Variants in SLC9A9 observed in about 807,000 individuals in gnomAD.
The protein encoded by SLC9A9 is sodium/hydrogen exchanger 9.
Under a neutral mutation model 77.8 loss-of-function variants are expected in SLC9A9, and 62 were observed. The observed-to-expected ratio is 0.80, with a 90% confidence interval of 0.65 to 0.98. SLC9A9 has a LOEUF of 0.98. Ranked by LOEUF, SLC9A9 falls within the 50% of genes least tolerant of loss-of-function variation. The probability of loss-of-function intolerance (pLI) is 0.00; values close to 1 mark genes in which losing one functional copy is unlikely to be tolerated. For synonymous variants in SLC9A9, 320 were observed against 283.5 expected, an observed-to-expected ratio of 1.13 and a Z score of -1.29; for missense variants, 775 against 774.9, an observed-to-expected ratio of 1.00 and a Z score of 0.00.
At chr3:143,797,478 A>T (rs1316413508) in intron 2 of SLC9A9, among the ~76,000 whole-genome samples, 1 of 152,192 alleles carries the variant, frequency 6.6e-6, no homozygotes, top group Non-Finnish European at 1.5e-5. Context: ...AAGCCATCAT[A>T]TCCCCTGTGA....
At chr3:143,563,593 A>G (rs1026838031) in intron 8 of SLC9A9, among the ~76,000 whole-genome samples, 1 of 152,186 alleles carries the variant, frequency 6.6e-6, no homozygotes, top group Non-Finnish European at 1.5e-5. Flanking sequence ...AAATAGGGGT[A>G]TATAAGACAA....
chr3:143,748,659 G>T (rs1935257702), intron 4 of SLC9A9, among the ~76,000 whole-genome samples: 1 of 150,824 alleles, frequency 6.6e-6, no homozygotes, highest in South Asian at 2.1e-4. Flanking sequence ...TTGAACAGAG[G>T]ACGGACTGGC....
chr3:143,534,664 G>A (rs1166103800), intron 9 of SLC9A9, among the ~76,000 whole-genome samples: 1 of 152,148 alleles, frequency 6.6e-6, no homozygotes, highest in Non-Finnish European at 1.5e-5. Context: ...GCACCTACCT[G>A]CGCCCCATGT....
At chr3:143,600,103 A>G (rs1440785924) in intron 6 of SLC9A9, among the ~76,000 whole-genome samples, 3 of 152,050 alleles carry the variant, frequency 2.0e-5, no homozygotes, top group South Asian at 2.1e-4. Flanking sequence ...ATAGGCATAC[A>G]TGTGACATGG....
At chr3:143,685,599 G>A (rs1933239705) in intron 5 of SLC9A9, among the ~76,000 whole-genome samples, 1 of 152,152 alleles carries the variant, frequency 6.6e-6, no homozygotes. Flanking sequence ...CAGGGAAATT[G>A]ATGAAGTGAG....
intron 13 of SLC9A9, among the ~76,000 whole-genome samples, chr3:143,377,473 C>A (rs532784713): frequency 2.0e-5 from 3 of 152,218 alleles, no homozygotes; most frequent in African/African-American, 7.2e-5. Flanking sequence ...CTTCTTCAGA[C>A]CTTTCTCAGC....
chr3:143,748,233 T>G (rs939096351), intron 4 of SLC9A9, among the ~76,000 whole-genome samples: 1 of 152,212 alleles, frequency 6.6e-6, no homozygotes, highest in Non-Finnish European at 1.5e-5. Context: ...GCCCATGATA[T>G]GCGGGCTCTG....
chr3:143,446,221 G>A (rs373409784), intron 12 of SLC9A9, among the ~76,000 whole-genome samples: 13 of 152,084 alleles, frequency 8.5e-5, no homozygotes, highest in Non-Finnish European at 1.3e-4. Flanking sequence ...TAACAGGCAA[G>A]TAGAAGGGGG....
At chr3:143,576,483 G>A (rs1260478818) in intron 7 of SLC9A9, among the ~76,000 whole-genome samples, 2 of 152,166 alleles carry the variant, frequency 1.3e-5, no homozygotes, top group African/African-American at 4.8e-5. Flanking sequence ...TTACAGGGTT[G>A]ATTCAAATGA....
At chr3:143,754,882 G>T (rs2006871507) in intron 4 of SLC9A9, among the ~76,000 whole-genome samples, 1 of 152,178 alleles carries the variant, frequency 6.6e-6, no homozygotes, top group South Asian at 2.1e-4. Context: ...CCTCATTTGG[G>T]TGGCAGGATT....
At chr3:143,520,839 T>G (rs2036284589) in intron 9 of SLC9A9, among the ~76,000 whole-genome samples, 1 of 152,170 alleles carries the variant, frequency 6.6e-6, no homozygotes, top group Non-Finnish European at 1.5e-5. Context: ...CCACTGATGT[T>G]GAACATTTTA....
intron 6 of SLC9A9, among the ~76,000 whole-genome samples, chr3:143,628,011 T>C (rs547477868): frequency 3.9e-5 from 6 of 152,228 alleles, no homozygotes; most frequent in Non-Finnish European, 7.3e-5. Flanking sequence ...TCTGTATTTA[T>C]TGTATTTGAT....
chr3:143,382,000 C>A, intron 13 of SLC9A9, 60 bp downstream of exon 13: 7 of 1,590,848 alleles, frequency 4.4e-6, no homozygotes, highest in Non-Finnish European at 5.2e-6. Context: ...AAACATGGAA[C>A]AGCCTATGGA....
chr3:143,797,648 C>T (rs1215602891), intron 2 of SLC9A9, among the ~76,000 whole-genome samples: 1 of 152,144 alleles, frequency 6.6e-6, no homozygotes, highest in African/African-American at 2.4e-5. Context: ...GTGAAAATGG[C>T]CTGTTCCTGC....
chr3:143,328,272 C>T (rs778015826), intron 14 of SLC9A9, among the ~76,000 whole-genome samples: 3 of 152,192 alleles, frequency 2.0e-5, no homozygotes, highest in Non-Finnish European at 2.9e-5. Flanking sequence ...TATGGCAACT[C>T]TGTACTTTCT....
At chr3:143,377,939 T>A (rs1214974248) in intron 13 of SLC9A9, among the ~76,000 whole-genome samples, 2 of 152,220 alleles carry the variant, frequency 1.3e-5, no homozygotes, top group Admixed American at 6.5e-5. Context: ...TAACCCACTG[T>A]GACTCCAATG....
At chr3:143,423,974 C>A (rs1011525796) in intron 12 of SLC9A9, among the ~76,000 whole-genome samples, 2 of 152,148 alleles carry the variant, frequency 1.3e-5, no homozygotes, top group Non-Finnish European at 2.9e-5. Flanking sequence ...AAGTATCTGA[C>A]CTGTAATCCT....
intron 4 of SLC9A9, among the ~76,000 whole-genome samples, chr3:143,749,622 G>A (rs879285528): frequency 6.6e-6 from 1 of 152,168 alleles, no homozygotes; most frequent in Non-Finnish European, 1.5e-5. Flanking sequence ...ATATGTTAAC[G>A]CTAGAGTTGC....
At chr3:143,659,316 C>A (rs1348994303) in intron 5 of SLC9A9, among the ~76,000 whole-genome samples, 1 of 152,014 alleles carries the variant, frequency 6.6e-6, no homozygotes. Context: ...TCACTGTGAC[C>A]CATGACATGT....
Sources: gnomAD v4.1 joint callset for allele counts (sites outside exome capture counted in the v4.1 genomes callset) on GRCh38, gnomAD v4.1.1 for gene constraint, MANE v1.5 for transcripts, NCBI Gene and HGNC (gene_info 2026-07-23, HGNC 2026-07-21) for gene names.